The following GCFC2 variants were observed in gnomAD, a reference collection of about 807,000 sequenced individuals.
GCFC2 encodes the protein GC-rich sequence DNA-binding factor 2.
Under a neutral mutation model 99.4 loss-of-function variants are expected in GCFC2, and 102 were observed. The observed-to-expected ratio is 1.03, with a 90% CI of 0.87 to 1.21. The LOEUF (loss-of-function observed/expected upper bound fraction) is 1.21, where lower values mean the gene tolerates loss of function less well. GCFC2 is among the 50% of genes most tolerant of loss of function. The pLI, the probability that GCFC2 is intolerant of heterozygous loss-of-function variation, is 0.00. For synonymous variants in GCFC2, 338 were observed against 316.8 expected, an observed-to-expected ratio of 1.07 and a Z score of -0.71; for missense variants, 973 against 920.9, an observed-to-expected ratio of 1.06 and a Z score of -0.73.
intron 4 of GCFC2, among the ~76,000 whole-genome samples, chr2:75,699,339 T>C (rs1680470722): frequency 6.6e-6 from 1 of 152,226 alleles, no homozygotes; most frequent in Admixed American, 6.5e-5. Flanking sequence ...AATAGAACTG[T>C]TTGGTACTTC....
intron 4 of GCFC2, among the ~76,000 whole-genome samples, chr2:75,699,623 C>T (rs537987102): frequency 3.3e-5 from 5 of 152,330 alleles, no homozygotes; most frequent in Admixed American, 3.3e-4. Context: ...GTTGCCCAGA[C>T]TGGAGTGCAG....
chr2:75,678,410 T>A (rs1201812182), intron 12 of GCFC2, among the ~76,000 whole-genome samples: 1 of 152,184 alleles, frequency 6.6e-6, no homozygotes, highest in Non-Finnish European at 1.5e-5. Flanking sequence ...ACAGTTTCCA[T>A]CTATTTTACT....
chr2:75,669,254 T>C (rs1340160607), intron 15 of GCFC2, among the ~76,000 whole-genome samples: 1 of 152,192 alleles, frequency 6.6e-6, no homozygotes, highest in Non-Finnish European at 1.5e-5. Context: ...TAACAACTTT[T>C]TATTTCCTAG....
intron 12 of GCFC2, among the ~76,000 whole-genome samples, chr2:75,675,706 T>C (rs1311356697): frequency 7.3e-6 from 1 of 136,282 alleles, no homozygotes; most frequent in Admixed American, 7.8e-5. Context: ...ATTGCACCAC[T>C]GCACTCCAGC....
At chr2:75,676,731 G>A (rs541159341) in intron 12 of GCFC2, among the ~76,000 whole-genome samples, 1 of 152,232 alleles carries the variant, frequency 6.6e-6, no homozygotes, top group East Asian at 1.9e-4. Context: ...TCAAAACTGT[G>A]TCTCTCTCAT....
At chr2:75,684,863 A>C (rs1489224974) in intron 11 of GCFC2, among the ~76,000 whole-genome samples, 1 of 152,208 alleles carries the variant, frequency 6.6e-6, no homozygotes, top group Non-Finnish European at 1.5e-5. Context: ...ACACCATGGA[A>C]TACTATGCAG....
upstream of GCFC2, among the ~76,000 whole-genome samples, chr2:75,712,811 T>C (rs1040019541): frequency 9.9e-5 from 15 of 152,040 alleles, no homozygotes; most frequent in Non-Finnish European, 2.2e-4. Context: ...GCTGTAACGC[T>C]CACCGCGAGG....
chr2:75,710,671 C>G lies in GCFC2; in HGVS notation c.185G>C (p.Arg62Pro), dbSNP rs1681117060. ...AQVAGLPHRV[R>P]GPRGRGRVWA... ...GACCCGGCCCCGGCCACGAGGGCCCCGAACCCGGTGGGGCAGTCCCGCCAC... is the reference window on the plus strand; with the variant it reads ...GACCCGGCCCCGGCCACGAGGGCCCGGAACCCGGTGGGGCAGTCCCGCCAC... The change falls in exon 1 of 17, where the codon CGG (arginine) becomes CCG (proline). Residue 62 changes from arginine to proline, a missense_variant. Transcript: ENST00000321027. 5 of 1,521,662 alleles carry G rather than the reference C, an allele frequency of 3.3e-6. No homozygotes were observed. The highest frequency in any genetic ancestry group is 1.2e-5 in the South Asian group (1 of 82,532). The allele number at this position is 1,521,662 out of a possible 1,614,324, so 94.3% of individuals were successfully genotyped here.
intron 11 of GCFC2, among the ~76,000 whole-genome samples, chr2:75,686,869 G>C (rs1486885281): frequency 6.6e-6 from 1 of 152,124 alleles, no homozygotes; most frequent in Non-Finnish European, 1.5e-5. Context: ...TCATGCTAAG[G>C]TCTGAAGCAC....
intron 4 of GCFC2, 58 bp from the exon 5 acceptor site, chr2:75,696,373 T>C (rs776862051): frequency 1.4e-4 from 113 of 782,498 alleles, no homozygotes; most frequent in Non-Finnish European, 2.1e-4. Context: ...CTTTGAAACA[T>C]TAATAGCATG....
chr2:75,705,156 A>G (rs1267506987), intron 2 of GCFC2, among the ~76,000 whole-genome samples: 1 of 152,126 alleles, frequency 6.6e-6, no homozygotes, highest in African/African-American at 2.4e-5. Flanking sequence ...ACCACAGAAA[A>G]TTTTACTGAA....
rs762696119 is a variant in GCFC2 at position 75,687,901 on chromosome 2, G to A, written c.1616C>T (p.Ser539Leu). 1.9e-6 allele frequency: 3 copies of A among 1,602,272 alleles called. No individual in the cohort carries two copies. Among genetic ancestry groups the A allele is most frequent in the Non-Finnish European group, 1.7e-6 (2 of 1,170,448 alleles). Residue 539 changes from serine to leucine, a missense_variant, in exon 11 of 17, where the codon TCA becomes TTA. Physicochemically the swap from Ser to Leu is moderately radical, Grantham distance 145. Transcript: ENST00000321027. ...TTTATCTGAACTACTTTCCTTCTTTGAATCTTCCACACTGCTATCCATAAA... is the reference window on the plus strand; with the variant it reads ...TTTATCTGAACTACTTTCCTTCTTTAAATCTTCCACACTGCTATCCATAAA... ...EEFMDSSVEDSKKESSSDKKV... is the reference protein window; with the variant it reads ...EEFMDSSVEDLKKESSSDKKV...
chr2:75,666,087 A>T, intron 15 of GCFC2, 34 bp from the exon 16 acceptor site: 1 of 1,548,904 alleles, frequency 6.5e-7, no homozygotes, highest in East Asian at 2.3e-5. Context: ...GTTTACAATG[A>T]CAGTTATCTA....
Position 75,701,238 on chromosome 2 carries a change from T to C in GCFC2, c.669A>G (p.Gln223=), listed in dbSNP as rs201274128. 5.6e-6 allele frequency: 9 copies of C among 1,609,818 alleles called. No individual in the cohort carries two copies. The highest frequency in any genetic ancestry group is 1.1e-5 in the South Asian group (1 of 90,988). ...TSEESQEDEK[Q]DTWEQQQMRK... is the part of the protein sequence containing the mutation. ...TCATTTGCTGTTGTTCCCAAGTATC[T>C]TGCTTTTCATCTTCCTGACTTTCTT... Residue 223 remains glutamine, a synonymous_variant, in exon 4 of 17, where the codon CAA becomes CAG. Coordinates refer to ENST00000321027, the MANE Select transcript of GCFC2 (RefSeq NM_003203.5).
At chr2:75,702,098 C>T (rs1680621484) in intron 3 of GCFC2, 101 bp downstream of exon 3, 31 of 1,507,702 alleles carry the variant, frequency 2.1e-5, no homozygotes, top group Non-Finnish European at 2.6e-5. Flanking sequence ...ATTATCAACA[C>T]TATAAAATGT....
Position 75,663,638 on chromosome 2 carries a change from T to C in GCFC2, c.*1028A>G, listed in dbSNP as rs1312756012. 6.6e-6 allele frequency: 1 copy of C among 152,130 alleles called. No homozygotes were observed. Among genetic ancestry groups the C allele is most frequent in the East Asian group, 1.9e-4 (1 of 5,188 alleles). 9.4% of individuals were successfully genotyped at this position (152,130 alleles called of 1,614,324 possible). A position where few individuals can be genotyped will look rare whatever the true frequency, so the allele number is the denominator to read the frequency against. Reference sequence around the variant, plus strand: ...CTTTGGGAGGTCAAGGTGGGTAGACTGCTTGAGCTCAAGAGTTCGAGACCA... The same window carrying C: ...CTTTGGGAGGTCAAGGTGGGTAGACCGCTTGAGCTCAAGAGTTCGAGACCA... On this transcript the variant is annotated 3_prime_UTR_variant, in exon 17 of 17. Transcript: ENST00000321027.
At chr2:75,671,251 C>T (rs371305522) in intron 14 of GCFC2, among the ~76,000 whole-genome samples, 1 of 152,172 alleles carries the variant, frequency 6.6e-6, no homozygotes, top group African/African-American at 2.4e-5. Context: ...CTGTCCTTGG[C>T]CTACTTCTCA....
chr2:75,675,291 T>C (rs1228374249), intron 12 of GCFC2, among the ~76,000 whole-genome samples: 1 of 152,202 alleles, frequency 6.6e-6, no homozygotes, highest in Non-Finnish European at 1.5e-5. Context: ...ACATATTGTA[T>C]GTATATATTT....
chr2:75,704,861 A>G (rs1680764497), intron 2 of GCFC2, among the ~76,000 whole-genome samples: 1 of 152,180 alleles, frequency 6.6e-6, no homozygotes, highest in Non-Finnish European at 1.5e-5. Context: ...TTTTTAGTAA[A>G]GCCAGGGTTT....
Sources: gnomAD v4.1 joint callset for allele counts (sites outside exome capture counted in the v4.1 genomes callset) on GRCh38, gnomAD v4.1.1 for gene constraint, MANE v1.5 for transcripts, NCBI Gene and HGNC (gene_info 2026-07-23, HGNC 2026-07-21) for gene names.